The following MAPK12 variants were observed in gnomAD, a reference collection of about 807,000 sequenced individuals.
The protein encoded by MAPK12 is mitogen-activated protein kinase 12.
In MAPK12, 49 loss-of-function variants were observed where a neutral mutation model predicts 49.1. The observed-to-expected ratio is 1.00, with a 90% confidence interval of 0.79 to 1.27. The LOEUF (loss-of-function observed/expected upper bound fraction) is 1.27. Ranked by LOEUF, MAPK12 falls within the 50% of genes most tolerant of loss-of-function variation. The pLI, the probability that MAPK12 is intolerant of heterozygous loss-of-function variation, is 0.00. For missense variants in MAPK12, 554 were observed against 502.4 expected, an observed-to-expected ratio of 1.10 and a Z score of -0.98; for synonymous variants, 251 against 209.7, an observed-to-expected ratio of 1.20 and a Z score of -1.70.
intron 3 of MAPK12, chr22:50,257,784 C>T (rs2065165308): frequency 1.4e-6 from 1 of 707,550 alleles, no homozygotes; most frequent in East Asian, 2.7e-5. Flanking sequence ...TCGGCCTGGC[C>T]CTTCACTCTT....
chr22:50,255,034 C>T (rs2065133118), intron 11 of MAPK12, 163 bp downstream of exon 11: 13 of 1,496,932 alleles, frequency 8.7e-6, no homozygotes, highest in Non-Finnish European at 1.1e-5. Flanking sequence ...AGCCTGGCCA[C>T]CTGCACAGGG....
At chr22:50,255,752 C>G (rs542587121) in intron 8 of MAPK12, 58 bp from the exon 9 acceptor site, 3 of 1,609,636 alleles carry the variant, frequency 1.9e-6, no homozygotes, top group African/African-American at 1.3e-5. Flanking sequence ...CCACTGCCCC[C>G]ACCTGGGCAG....
chr22:50,259,596 G>A (rs991642070), intron 2 of MAPK12, among the ~76,000 whole-genome samples: 13 of 152,092 alleles, frequency 8.5e-5, no homozygotes, highest in African/African-American at 2.2e-4. Context: ...GAAAAGCCCC[G>A]GTGGAGCCCG....
intron 2 of MAPK12, 130 bp from the exon 3 acceptor site, chr22:50,258,431 G>C (rs2065175770): frequency 1.3e-6 from 1 of 785,148 alleles, no homozygotes; most frequent in South Asian, 1.6e-5. Flanking sequence ...TGTCCAAAGG[G>C]CCTGGCTCTG....
At position 50,256,925 on chromosome 22, in the gene MAPK12, C is replaced by G. The variant is rs559524437; in HGVS notation, c.456+10G>C. ...GAGGGCTGATGAGCGGCTTCTCCAC[C>G]GGGACTCACTCTGTGGATGATGCCG... is the stretch of plus-strand genomic sequence containing the variant. On this transcript the variant is annotated intron_variant, in intron 5 of 11. Coordinates refer to ENST00000215659, the MANE Select transcript of MAPK12 (RefSeq NM_002969.6). The G allele has an allele frequency of 9.2e-5, 147 of 1,605,276 alleles. 1 individual carries two copies. In the South Asian group the frequency reaches 1.4e-3, roughly 15 times the overall value.
rs1452982754 is a variant in MAPK12, at chr22:50,252,901, C to T, written c.*500G>A. On this transcript the variant is annotated 3_prime_UTR_variant, in exon 12 of 12. Transcript: ENST00000215659. ...CCGGCATGAGGACGCACAGCCAGAACAGGGAGCTACAAAAGGGTCTATTTC... is the reference window on the plus strand; with the variant it reads ...CCGGCATGAGGACGCACAGCCAGAATAGGGAGCTACAAAAGGGTCTATTTC... The T allele has an allele frequency of 9.8e-6, 2 of 203,370 alleles. No individual in the cohort carries two copies. The highest frequency in any genetic ancestry group is 2.0e-5 in the Non-Finnish European group (2 of 97,776). 12.6% of individuals were successfully genotyped at this position (203,370 alleles called of 1,614,324 possible). A position where few individuals can be genotyped will look rare whatever the true frequency, so the allele number is the denominator to read the frequency against.
chr22:50,261,607 G>GCCGCTCGT lies in MAPK12; in HGVS notation c.-106_-99dup, dbSNP rs1437232651. The stretch of plus-strand genomic sequence containing the variant: ...GGCGCGCGCCTCGGGCCGGCTCCGC[G>GCCGCTCGT]CCGCTCGTCCGCTCGCCCGCCCGCC... On this transcript the variant is annotated 5_prime_UTR_variant, in exon 1 of 12. Coordinates refer to ENST00000215659, the MANE Select transcript of MAPK12 (RefSeq NM_002969.6). The GCCGCTCGT allele has an allele frequency of 3.7e-4, 369 of 1,004,438 alleles. No individual in the cohort carries two copies. The highest frequency in any genetic ancestry group is 4.1e-4 in the Non-Finnish European group (346 of 843,904). 62.2% of individuals were successfully genotyped at this position (1,004,438 alleles called of 1,614,324 possible). A position where few individuals can be genotyped will look rare whatever the true frequency, so the allele number is the denominator to read the frequency against.
At chr22:50,253,502 G>GGGGAGCA in intron 11 of MAPK12, 22 bp from the exon 12 acceptor site, 1 of 171,686 alleles carries the variant, frequency 5.8e-6, no homozygotes, top group Non-Finnish European at 1.1e-5. Context: ...GGGGGGGCGG[G>GGGGAGCA]CACAACAGAG....
chr22:50,260,220 CG>C (rs2065196612), intron 2 of MAPK12, among the ~76,000 whole-genome samples: 1 of 147,820 alleles, frequency 6.8e-6, no homozygotes, highest in Admixed American at 6.7e-5. Context: ...GGCCAGGAAC[CG>C]GGGGACGGGG....
Position 50,255,307 on chromosome 22 carries a change from GCCT to G in MAPK12, c.911_913del (p.Glu304del). On this transcript the variant is annotated inframe_deletion, in exon 11 of 12. Transcript: ENST00000215659. ...GGACTCGAAGTAGGGATGGGCCAGCGCCTCGCCTGCCGTCACCCGCTGCTCCGC... is the reference window on the plus strand; with the variant it reads ...GGACTCGAAGTAGGGATGGGCCAGCGCGCCTGCCGTCACCCGCTGCTCCGC... 6.2e-7 allele frequency: 1 copy of G among 1,613,404 alleles called. No homozygotes were observed. Among genetic ancestry groups the G allele is most frequent in the Non-Finnish European group, 8.5e-7 (1 of 1,180,008 alleles).
At chr22:50,260,521 G>C (rs1008996527) in intron 2 of MAPK12, among the ~76,000 whole-genome samples, 5 of 152,182 alleles carry the variant, frequency 3.3e-5, no homozygotes, top group African/African-American at 1.2e-4. Context: ...GCAGCTGTAC[G>C]TGGCATCTCA....
intron 6 of MAPK12, 122 bp downstream of exon 6, chr22:50,256,474 GCTC>G (rs1439413985): frequency 3.9e-6 from 5 of 1,278,064 alleles, no homozygotes; most frequent in Non-Finnish European, 5.4e-6. Context: ...CCACCCACCA[GCTC>G]CTCAGCCACT....
At chr22:50,257,728 T>G in intron 3 of MAPK12, 1 of 635,568 alleles carries the variant, frequency 1.6e-6, no homozygotes. Flanking sequence ...TGACTTGACC[T>G]CTGCAAGTCA....
chr22:50,261,600 G>C lies in MAPK12; in HGVS notation c.-91C>G. 9 of 1,002,548 alleles carry C rather than the reference G, an allele frequency of 9.0e-6. No homozygotes were observed. The highest frequency in any genetic ancestry group is 7.1e-6 in the Non-Finnish European group (6 of 843,416). The allele number at this position is 1,002,548 out of a possible 1,614,324, so 62.1% of individuals were successfully genotyped here. A position where few individuals can be genotyped will look rare whatever the true frequency, so the allele number is the denominator to read the frequency against. ...CTCCCTCGGCGCGCGCCTCGGGCCG[G>C]CTCCGCGCCGCTCGTCCGCTCGCCC... On this transcript the variant is annotated 5_prime_UTR_variant, in exon 1 of 12. Transcript: ENST00000215659.
chr22:50,257,820 T>G, intron 3 of MAPK12: 1 of 718,144 alleles, frequency 1.4e-6, no homozygotes, highest in Non-Finnish European at 2.6e-6. Flanking sequence ...AGTCCCAGGG[T>G]GGTCGGCTGC....
intron 11 of MAPK12, 104 bp from the exon 12 acceptor site, chr22:50,253,584 T>C (rs1428593822): frequency 5.8e-6 from 4 of 689,112 alleles, no homozygotes; most frequent in African/African-American, 1.8e-5. Flanking sequence ...CGTGGGGCCC[T>C]TCTCTAATCC....
At chr22:50,259,692 G>A (rs898990492) in intron 2 of MAPK12, among the ~76,000 whole-genome samples, 3 of 152,048 alleles carry the variant, frequency 2.0e-5, no homozygotes, top group Admixed American at 2.0e-4. Flanking sequence ...AGACCAGTCT[G>A]CCCAACATAG....
In MAPK12 at chr22:50,261,150, G is replaced by C. The variant is rs2065208572; in HGVS notation, c.255+17C>G. 9 of 1,571,024 alleles carry C rather than the reference G, an allele frequency of 5.7e-6. No homozygotes were observed. The highest frequency in any genetic ancestry group is 2.4e-5 in the East Asian group (1 of 41,134). ...CGAGGCCGCGGCGCCTTCCCGGAGC[G>C]GGGCCGCGCGACTCACGTTCTCGTG... On this transcript the variant is annotated intron_variant, in intron 2 of 11. Coordinates refer to ENST00000215659, the MANE Select transcript of MAPK12 (RefSeq NM_002969.6).
In MAPK12 at chr22:50,255,518, A is replaced by C; in HGVS notation, c.785T>G (p.Met262Arg). 1 of 1,613,184 alleles carries C rather than the reference A, an allele frequency of 6.2e-7. No homozygotes were observed. The highest frequency in any genetic ancestry group is 8.5e-7 in the Non-Finnish European group (1 of 1,180,012). Residue 262 changes from methionine to arginine, a missense_variant, in exon 10 of 12, where the codon ATG becomes AGG. By Grantham distance (91) the Met-to-Arg change is moderately conservative. Transcript: ENST00000215659. ...RLQSDEAKNYMKGLPELEKKD... is the reference protein window; with the variant it reads ...RLQSDEAKNYRKGLPELEKKD... ...CTTCTCCAATTCGGGGAGGCCCTTC[A>C]TGTAGTTCTTGGCCTGTGTGGGAAG... is the stretch of plus-strand genomic sequence containing the variant.
Sources: gnomAD v4.1 joint callset for allele counts (sites outside exome capture counted in the v4.1 genomes callset) on GRCh38, gnomAD v4.1.1 for gene constraint, MANE v1.5 for transcripts, NCBI Gene and HGNC (gene_info 2026-07-23, HGNC 2026-07-21) for gene names.